The following FREM1 variants were observed in gnomAD, a reference collection of about 807,000 sequenced individuals.
FREM1 encodes FRAS1-related extracellular matrix protein 1.
FREM1 carries 220 observed loss-of-function variants against 210.1 expected under a neutral mutation model. The ratio of observed to expected loss-of-function variants is 1.05; its 90% CI spans 0.94 to 1.17. The LOEUF is 1.17. Ranked by LOEUF, FREM1 falls within the 50% of genes most tolerant of loss-of-function variation. FREM1 has a pLI of 0.00. For missense variants in FREM1, 3,454 were observed against 2,675.5 expected, an observed-to-expected ratio of 1.29 and a Z score of -6.42; for synonymous variants, 1,189 against 980.2, an observed-to-expected ratio of 1.21 and a Z score of -3.98.
chr9:14,815,820 G>A lies in FREM1; in HGVS notation c.2640+958C>T, dbSNP rs536892776. On this transcript the variant is annotated intron_variant, in intron 15 of 36. Transcript: ENST00000380880. ...AAGCCACTATGCCCAGATAATTTTT[G>A]TATTTTTAATAGAGACAGGGTTTCG... 3.9e-5 allele frequency among the ~76,000 whole-genome samples: 6 copies of A among 152,196 alleles called. No individual in the cohort carries two copies. The South Asian group carries it at 1.2e-3, about 32-fold the overall frequency.
intron 29 of FREM1, among the ~76,000 whole-genome samples, chr9:14,756,165 A>C (rs1844307313): frequency 6.6e-6 from 1 of 152,136 alleles, no homozygotes; most frequent in Non-Finnish European, 1.5e-5. Flanking sequence ...TCTCATTTGA[A>C]ATCAAAATTC....
At chr9:14,860,546 C>CACATATATATACACAT (rs1554706981) in intron 3 of FREM1, among the ~76,000 whole-genome samples, 1 of 104,922 alleles carries the variant, frequency 9.5e-6, no homozygotes, top group East Asian at 2.9e-4. Context: ...TATATATACA[C>CACATATATATACACAT]ATATATATAC....
intron 17 of FREM1, among the ~76,000 whole-genome samples, chr9:14,807,653 T>G (rs1432376871): frequency 6.9e-6 from 1 of 143,958 alleles, no homozygotes; most frequent in Admixed American, 7.4e-5. Flanking sequence ...AATGTTGTCC[T>G]TGTCCCAACA....
chr9:14,841,577 T>A lies in FREM1; in HGVS notation c.1751A>T (p.His584Leu). The A allele has an allele frequency of 2.5e-6, 4 of 1,606,192 alleles. No individual in the cohort carries two copies. The highest frequency in any genetic ancestry group is 3.4e-6 in the Non-Finnish European group (4 of 1,174,316). ...AAACAAATCCCTCTGAAGGAAGCCA[T>A]GGACAGGATAGCCTATTGGGTCCAT... Reference protein sequence around the residue: ...PGPGLIGYPVHGFLQRDLFNG... With the variant: ...PGPGLIGYPVLGFLQRDLFNG... The change falls in exon 10 of 37, where the codon CAT becomes CTT. Residue 584 changes from histidine to leucine, a missense_variant. Coordinates refer to ENST00000380880, the MANE Select transcript of FREM1 (RefSeq NM_001379081.2).
chr9:14,743,528 G>A (rs1405511780), intron 35 of FREM1, among the ~76,000 whole-genome samples: 1 of 152,010 alleles, frequency 6.6e-6, no homozygotes, highest in Non-Finnish European at 1.5e-5. Context: ...CACCATCCAT[G>A]ACTGAATGGA....
intron 3 of FREM1, among the ~76,000 whole-genome samples, chr9:14,861,028 T>A (rs760074851): frequency 1.6e-5 from 1 of 64,118 alleles, no homozygotes; most frequent in Non-Finnish European, 2.8e-5. Context: ...TACACATATA[T>A]ACATATATAC....
chr9:14,810,093 C>G (rs139938065), intron 16 of FREM1, among the ~76,000 whole-genome samples: 1 of 152,084 alleles, frequency 6.6e-6, no homozygotes, highest in African/African-American at 2.4e-5. Context: ...TTTCCAGATG[C>G]CTTTGCTGGC....
chr9:14,799,935 T>C (rs1004303254), intron 20 of FREM1, among the ~76,000 whole-genome samples: 1 of 147,750 alleles, frequency 6.8e-6, no homozygotes, highest in African/African-American at 2.5e-5. Flanking sequence ...CTCCTAATGC[T>C]ATCCCTCCCC....
At chr9:14,897,433 T>A (rs1239862796) in intron 1 of FREM1, among the ~76,000 whole-genome samples, 1 of 151,486 alleles carries the variant, frequency 6.6e-6, no homozygotes, top group Non-Finnish European at 1.5e-5. Flanking sequence ...AGAGGCTAAG[T>A]GATTTGTCAA....
intron 28 of FREM1, among the ~76,000 whole-genome samples, chr9:14,757,906 T>C (rs894889830): frequency 1.3e-5 from 2 of 152,208 alleles, no homozygotes; most frequent in African/African-American, 4.8e-5. Flanking sequence ...CCTTTCATTG[T>C]GAAAAGGCAG....
chr9:14,824,657 C>A, intron 11 of FREM1, 139 bp downstream of exon 11: 1 of 604,498 alleles, frequency 1.7e-6, no homozygotes, highest in Non-Finnish European at 2.8e-6. Context: ...AAAAAGTAAA[C>A]GCTTAATTGA....
chr9:14,870,490 T>C (rs561323737), intron 1 of FREM1, among the ~76,000 whole-genome samples: 2 of 149,708 alleles, frequency 1.3e-5, no homozygotes, highest in African/African-American at 5.1e-5. Flanking sequence ...GTTGTCTTTG[T>C]TTTTTTTCTT....
intron 1 of FREM1, among the ~76,000 whole-genome samples, chr9:14,893,049 G>T (rs1039561022): frequency 6.6e-6 from 1 of 152,154 alleles, no homozygotes; most frequent in African/African-American, 2.4e-5. Flanking sequence ...GCCTTCCTTC[G>T]TGTTGCGGCT....
intron 1 of FREM1, among the ~76,000 whole-genome samples, chr9:14,901,949 T>C (rs1838862214): frequency 6.6e-6 from 1 of 151,874 alleles, no homozygotes. Flanking sequence ...CCACTGGGTC[T>C]CAAGTGATCC....
At chr9:14,803,678 C>T (rs1248854062) in intron 19 of FREM1, among the ~76,000 whole-genome samples, 11 of 152,058 alleles carry the variant, frequency 7.2e-5, no homozygotes, top group Non-Finnish European at 1.3e-4. Flanking sequence ...CTAAAGCATC[C>T]TTTCATTTCA....
At position 14,819,344 on chromosome 9, in the gene FREM1, A is replaced by G; in HGVS notation, c.2436T>C (p.Ile812=). The part of the protein sequence containing the change: ...ISDADTKLDN[I]DLSLRELPLH... ...GAGGCAATTCCCGCAGGGAGAGGTC[A>G]ATATTGTCCAGCTTGGTATCTGCAT... The change falls in exon 14 of 37, where the codon ATT becomes ATC. Residue 812 remains isoleucine (I), a synonymous_variant. Coordinates refer to ENST00000380880, the MANE Select transcript of FREM1 (RefSeq NM_001379081.2). 1.2e-6 allele frequency: 2 copies of G among 1,613,708 alleles called. No individual in the cohort carries two copies. Among genetic ancestry groups the G allele is most frequent in the South Asian group, 2.2e-5 (2 of 91,078 alleles).
intron 1 of FREM1, among the ~76,000 whole-genome samples, chr9:14,882,612 G>A (rs1403363652): frequency 3.3e-5 from 5 of 150,964 alleles, no homozygotes; most frequent in East Asian, 1.9e-4. Flanking sequence ...CCGCCACTAC[G>A]CCTGGCTAAT....
At chr9:14,839,493 C>T (rs1207992497) in intron 10 of FREM1, among the ~76,000 whole-genome samples, 1 of 151,432 alleles carries the variant, frequency 6.6e-6, no homozygotes, top group Non-Finnish European at 1.5e-5. Flanking sequence ...CCTCTGTCCC[C>T]TTCTCTTTCT....
chr9:14,861,020 C>CATATAT lies in FREM1; in HGVS notation c.330-1537_330-1536insATATAT, dbSNP rs1830187662. ...ATATATACACATATATACATATATA[C>CATATAT]ACATATATACATATATACATATATA... On this transcript the variant is annotated intron_variant, in intron 3 of 36. Transcript: ENST00000380880. Among the ~76,000 whole-genome samples the CATATAT allele has an allele frequency of 2.0e-5, 2 of 101,486 alleles. 1 individual carries two copies. Among genetic ancestry groups the CATATAT allele is most frequent in the Non-Finnish European group, 3.5e-5 (2 of 56,816 alleles). 66.6% of individuals were successfully genotyped at this position (101,486 alleles called of 152,430 possible). A position where few individuals can be genotyped will look rare whatever the true frequency, so the allele number is the denominator to read the frequency against.
Sources: allele counts gnomAD v4.1 joint callset (sites outside exome capture counted in the v4.1 genomes callset), GRCh38; gene constraint gnomAD v4.1.1; transcripts MANE v1.5; gene names NCBI Gene and HGNC (gene_info 2026-07-23, HGNC 2026-07-21).